The following ALPK1 variants were observed in gnomAD, a reference collection of about 807,000 sequenced individuals.
The protein encoded by ALPK1 is alpha-protein kinase 1.
Under a neutral mutation model 120.6 loss-of-function variants are expected in ALPK1, and 110 were observed. The observed-to-expected ratio is 0.91, with a 90% CI of 0.78 to 1.07. ALPK1 has a LOEUF of 1.07. ALPK1 is among the 50% of genes least tolerant of loss of function. The pLI is 0.00. For missense variants in ALPK1, 1,498 were observed against 1,483.9 expected, an observed-to-expected ratio of 1.01 and a Z score of -0.16; for synonymous variants, 582 against 560.3, an observed-to-expected ratio of 1.04 and a Z score of -0.55.
intron 1 of ALPK1, among the ~76,000 whole-genome samples, chr4:112,315,195 A>G (rs1728580676): frequency 6.6e-6 from 1 of 152,064 alleles, no homozygotes; most frequent in Non-Finnish European, 1.5e-5. Context: ...TTGTCATTTT[A>G]ATATACAATA....
chr4:112,403,596 C>G (rs531175552), intron 4 of ALPK1, among the ~76,000 whole-genome samples: 1 of 152,288 alleles, frequency 6.6e-6, no homozygotes. Flanking sequence ...TTCCACAATG[C>G]TATTGAAGTG....
intron 2 of ALPK1, among the ~76,000 whole-genome samples, chr4:112,354,994 G>A (rs1285762557): frequency 6.6e-6 from 1 of 152,092 alleles, no homozygotes; most frequent in Non-Finnish European, 1.5e-5. Context: ...TTTGACTGGA[G>A]TTGCATTAAA....
chr4:112,350,171 A>C (rs959463448), intron 2 of ALPK1, among the ~76,000 whole-genome samples: 1 of 152,120 alleles, frequency 6.6e-6, no homozygotes, highest in Non-Finnish European at 1.5e-5. Flanking sequence ...CCCACATCCC[A>C]TTACTCCAAG....
chr4:112,361,846 G>A (rs192327279), intron 2 of ALPK1, among the ~76,000 whole-genome samples: 3 of 152,332 alleles, frequency 2.0e-5, no homozygotes, highest in African/African-American at 7.2e-5. Flanking sequence ...TCATTCCCCT[G>A]CTACCTCCAC....
chr4:112,392,014 G>C (rs941141493), intron 4 of ALPK1, among the ~76,000 whole-genome samples: 3 of 152,132 alleles, frequency 2.0e-5, no homozygotes, highest in African/African-American at 4.8e-5. Flanking sequence ...CAACAGAAAT[G>C]CTTCTAAAAG....
Position 112,429,137 on chromosome 4 carries a change from G to T in ALPK1, c.796-12G>T. On this transcript the variant is annotated splice_polypyrimidine_tract_variant and intron_variant, in intron 9 of 15. Coordinates refer to ENST00000650871, the MANE Select transcript of ALPK1 (RefSeq NM_025144.4). ...TTATCACCATTCCACTTAGCCTCCTGTTTTCTCACAGAGCCTGCTGAAGGA... is the reference window on the plus strand; with the variant it reads ...TTATCACCATTCCACTTAGCCTCCTTTTTTCTCACAGAGCCTGCTGAAGGA... 1 of 1,611,506 alleles carries T rather than the reference G, an allele frequency of 6.2e-7. No individual in the cohort carries two copies. The highest frequency in any genetic ancestry group is 8.5e-7 in the Non-Finnish European group (1 of 1,178,448).
chr4:112,349,257 A>G (rs1730226882), intron 2 of ALPK1, among the ~76,000 whole-genome samples: 1 of 152,182 alleles, frequency 6.6e-6, no homozygotes, highest in African/African-American at 2.4e-5. Context: ...GTGACTTTAT[A>G]CTGGAAAAAT....
chr4:112,298,544 C>T (rs1167525476), intron 1 of ALPK1, among the ~76,000 whole-genome samples: 1 of 152,144 alleles, frequency 6.6e-6, no homozygotes, highest in East Asian at 1.9e-4. Flanking sequence ...TCTTTTAAAT[C>T]TGAGATGAAT....
intron 1 of ALPK1, among the ~76,000 whole-genome samples, chr4:112,303,872 T>C (rs1042922376): frequency 6.6e-6 from 1 of 152,154 alleles, no homozygotes; most frequent in South Asian, 2.1e-4. Context: ...TTACATTAGG[T>C]ATATCTCCTA....
chr4:112,388,246 A>G (rs1475223203), intron 4 of ALPK1, among the ~76,000 whole-genome samples: 1 of 152,254 alleles, frequency 6.6e-6, no homozygotes, highest in African/African-American at 2.4e-5. Context: ...AAACATGAAT[A>G]AACATGAATA....
chr4:112,335,471 A>G (rs1729573347), intron 2 of ALPK1, among the ~76,000 whole-genome samples: 1 of 152,062 alleles, frequency 6.6e-6, no homozygotes, highest in Non-Finnish European at 1.5e-5. Context: ...GTAGTATTGG[A>G]TGTTCTTAGC....
intron 4 of ALPK1, chr4:112,384,861 A>G (rs1732083267): frequency 6.6e-6 from 1 of 152,266 alleles, no homozygotes; most frequent in Non-Finnish European, 1.5e-5. Context: ...TTTTCCATCA[A>G]TTCTGGGAAC....
intron 2 of ALPK1, among the ~76,000 whole-genome samples, chr4:112,364,368 G>T (rs889800885): frequency 3.3e-5 from 5 of 151,894 alleles, no homozygotes; most frequent in Non-Finnish European, 5.9e-5. Context: ...AATTAGAAAA[G>T]AAATGGAAGA....
At position 112,431,680 on chromosome 4, in the gene ALPK1, T is replaced by C. The variant is rs1474064909; in HGVS notation, c.2133T>C (p.Ala711=). ...ATATGGGACCCAGAAATACTTCTGC[T>C]CACTCCAGACCCTCATATCGTTCTG... ...VRNMGPRNTS[A]HSRPSYRSAS... is the part of the protein sequence containing the mutation. Residue 711 remains alanine, a synonymous_variant, in exon 11 of 16, where the codon GCT becomes GCC. Coordinates refer to ENST00000650871, the MANE Select transcript of ALPK1 (RefSeq NM_025144.4). 2 of 1,614,212 alleles carry C rather than the reference T, an allele frequency of 1.2e-6. No homozygotes were observed. Among genetic ancestry groups the C allele is most frequent in the Admixed American group, 3.3e-5 (2 of 60,024 alleles).
chr4:112,300,638 G>T (rs141566395), intron 1 of ALPK1, among the ~76,000 whole-genome samples: 109 of 151,430 alleles, frequency 7.2e-4, no homozygotes, highest in African/African-American at 2.5e-3. Context: ...TTTTTCTTGT[G>T]TTGATTGCTT....
chr4:112,419,136 C>A (rs1003950100), intron 5 of ALPK1, among the ~76,000 whole-genome samples: 1 of 152,110 alleles, frequency 6.6e-6, no homozygotes, highest in Non-Finnish European at 1.5e-5. Flanking sequence ...AGAAATATAT[C>A]TTTTAAGAAT....
intron 2 of ALPK1, among the ~76,000 whole-genome samples, chr4:112,348,479 C>G (rs1053138016): frequency 6.6e-6 from 1 of 152,220 alleles, no homozygotes; most frequent in African/African-American, 2.4e-5. Context: ...TCCTTAAGAT[C>G]AGGCAGGACT....
At chr4:112,357,041 A>G in intron 2 of ALPK1, 1 of 850,204 alleles carries the variant, frequency 1.2e-6, no homozygotes, top group Non-Finnish European at 2.0e-6. Flanking sequence ...GGACCCCACC[A>G]GCTCAGGGCT....
chr4:112,348,492 T>C (rs913204983), intron 2 of ALPK1, among the ~76,000 whole-genome samples: 1 of 152,242 alleles, frequency 6.6e-6, no homozygotes, highest in Non-Finnish European at 1.5e-5. Flanking sequence ...GCAGGACTAG[T>C]AGAATCCTAC....
Sources: gnomAD v4.1 joint callset for allele counts (sites outside exome capture counted in the v4.1 genomes callset) on GRCh38, gnomAD v4.1.1 for gene constraint, MANE v1.5 for transcripts, NCBI Gene and HGNC (gene_info 2026-07-23, HGNC 2026-07-21) for gene names.